The following STAG1 variants were observed in gnomAD, a reference collection of about 807,000 sequenced individuals.
STAG1 encodes the protein cohesin subunit SA-1.
A neutral mutation model predicts 170.9 loss-of-function variants in STAG1; 26 were observed. The ratio of observed to expected loss-of-function variants is 0.15; its 90% CI spans 0.11 to 0.21. The LOEUF is 0.21. Ranked by LOEUF, STAG1 falls within the 10% of genes least tolerant of loss-of-function variation. The pLI is 1.00. For synonymous variants in STAG1, 514 were observed against 497.7 expected, an observed-to-expected ratio of 1.03 and a Z score of -0.44; for missense variants, 964 against 1,509.5, an observed-to-expected ratio of 0.64 and a Z score of 5.99.
intron 15 of STAG1, among the ~76,000 whole-genome samples, chr3:136,440,476 A>T (rs905612993): frequency 2.0e-5 from 3 of 151,700 alleles, no homozygotes; most frequent in South Asian, 2.1e-4. Context: ...CTTGGAAATA[A>T]CCTTATGGAA....
intron 1 of STAG1, among the ~76,000 whole-genome samples, chr3:136,665,463 T>C (rs1304586275): frequency 6.6e-6 from 1 of 152,120 alleles, no homozygotes; most frequent in Non-Finnish European, 1.5e-5. Context: ...CAGGTAGGTA[T>C]GATATAATCA....
intron 1 of STAG1, among the ~76,000 whole-genome samples, chr3:136,728,571 A>G (rs113484098): frequency 1.6e-4 from 24 of 152,338 alleles, no homozygotes; most frequent in Non-Finnish European, 3.2e-4. Context: ...ATGAGTCAAT[A>G]TATACAATAT....
At chr3:136,666,145 G>A (rs1033589696) in intron 1 of STAG1, among the ~76,000 whole-genome samples, 4 of 139,676 alleles carry the variant, frequency 2.9e-5, no homozygotes, top group Admixed American at 7.3e-5. Flanking sequence ...GAAGCTGAGT[G>A]TGACACTTCC....
intron 23 of STAG1, among the ~76,000 whole-genome samples, chr3:136,370,058 ATACTATAC>A (rs1937242077): frequency 4.6e-4 from 1 of 2,172 alleles, no homozygotes; most frequent in Non-Finnish European, 1.9e-3. Context: ...TTACTATACT[ATACTATAC>A]TATACTATAC....
At chr3:136,680,970 C>T (rs979871948) in intron 1 of STAG1, among the ~76,000 whole-genome samples, 1 of 142,598 alleles carries the variant, frequency 7.0e-6, no homozygotes, top group African/African-American at 2.5e-5. Context: ...ATATATCCTA[C>T]AAACATCTGT....
At chr3:136,667,663 GTTTTAT>G (rs1941835124) in intron 1 of STAG1, among the ~76,000 whole-genome samples, 3 of 151,868 alleles carry the variant, frequency 2.0e-5, no homozygotes, top group African/African-American at 4.8e-5. Flanking sequence ...GCCCAGCTAA[GTTTTAT>G]ATTTTTAGTA....
chr3:136,477,736 C>T (rs1380594152), intron 9 of STAG1, among the ~76,000 whole-genome samples: 6 of 152,162 alleles, frequency 3.9e-5, no homozygotes. Flanking sequence ...CTAAGAAAAT[C>T]AGAGTCACAA....
At chr3:136,641,603 G>A (rs1452283577) in intron 1 of STAG1, among the ~76,000 whole-genome samples, 1 of 152,088 alleles carries the variant, frequency 6.6e-6, no homozygotes, top group East Asian at 1.9e-4. Context: ...AAAATAACTG[G>A]CCAGTATTCT....
chr3:136,399,510 TCATTTAA>T (rs1416377972), intron 21 of STAG1, among the ~76,000 whole-genome samples: 11 of 152,230 alleles, frequency 7.2e-5, no homozygotes, highest in African/African-American at 1.9e-4. Context: ...CTGACTTTTT[TCATTTAA>T]CATTTATGTT....
At chr3:136,463,040 A>G (rs778823394) in intron 13 of STAG1, among the ~76,000 whole-genome samples, 72 of 152,190 alleles carry the variant, frequency 4.7e-4, no homozygotes, top group Non-Finnish European at 7.9e-4. Context: ...AGAATAAAAT[A>G]ATGCTGAAAA....
chr3:136,648,844 T>G (rs1276204296), intron 1 of STAG1, among the ~76,000 whole-genome samples: 1 of 152,208 alleles, frequency 6.6e-6, no homozygotes, highest in Non-Finnish European at 1.5e-5. Context: ...TCTCCTAGTC[T>G]TCTTGCTTGC....
chr3:136,689,371 C>T (rs919328783), intron 1 of STAG1, among the ~76,000 whole-genome samples: 16 of 152,170 alleles, frequency 1.1e-4, no homozygotes, highest in African/African-American at 2.7e-4. Flanking sequence ...CATAATAAGC[C>T]AAATAAGGAA....
At chr3:136,447,696 T>C (rs972097192) in intron 14 of STAG1, among the ~76,000 whole-genome samples, 8 of 132,252 alleles carry the variant, frequency 6.0e-5, no homozygotes, top group Non-Finnish European at 9.3e-5. Context: ...AAGCTCCGCC[T>C]CCCGGGTTCA....
chr3:136,709,461 G>A (rs895672477), intron 1 of STAG1, among the ~76,000 whole-genome samples: 19 of 151,852 alleles, frequency 1.3e-4, no homozygotes, highest in Admixed American at 3.9e-4. Flanking sequence ...TCAATGAAGG[G>A]GCCCAGCTCA....
intron 3 of STAG1, among the ~76,000 whole-genome samples, chr3:136,615,522 T>C (rs1413573711): frequency 1.3e-5 from 2 of 150,772 alleles, no homozygotes; most frequent in Non-Finnish European, 2.9e-5. Flanking sequence ...CTCACGCCTG[T>C]AATCCCAGCA....
chr3:136,657,709 C>T (rs1193941264), intron 1 of STAG1, among the ~76,000 whole-genome samples: 2 of 152,096 alleles, frequency 1.3e-5, no homozygotes, highest in East Asian at 3.9e-4. Flanking sequence ...GTAGTTTCAG[C>T]TACTCCTGAG....
chr3:136,511,875 T>A (rs1934080080), intron 7 of STAG1, among the ~76,000 whole-genome samples: 2 of 151,688 alleles, frequency 1.3e-5, no homozygotes, highest in South Asian at 4.2e-4. Context: ...TATAAGAATA[T>A]ATTAATATGG....
chr3:136,369,655 T>A (rs757561654), intron 23 of STAG1, among the ~76,000 whole-genome samples: 5 of 152,144 alleles, frequency 3.3e-5, no homozygotes, highest in Non-Finnish European at 5.9e-5. Context: ...TGATAGATTA[T>A]AACAAAGATT....
chr3:136,713,795 G>A (rs2107921392), intron 1 of STAG1, among the ~76,000 whole-genome samples: 1 of 152,080 alleles, frequency 6.6e-6, no homozygotes, highest in South Asian at 2.1e-4. Flanking sequence ...GGCCACAATG[G>A]GCAGATTACC....
Sources: allele counts gnomAD v4.1 joint callset (sites outside exome capture counted in the v4.1 genomes callset), GRCh38; gene constraint gnomAD v4.1.1; transcripts MANE v1.5; gene names NCBI Gene and HGNC (gene_info 2026-07-23, HGNC 2026-07-21).